Variants in DPYSL3 observed in about 807,000 individuals in gnomAD.
The protein encoded by DPYSL3 is dihydropyrimidinase like 3.
In DPYSL3, 16 loss-of-function variants were observed where a neutral mutation model predicts 66.1. That is an observed-to-expected ratio of 0.24 (90% CI 0.16 to 0.37). DPYSL3 has a LOEUF of 0.37. DPYSL3 is among the 10% of genes least tolerant of loss of function. The pLI is 1.00. For synonymous variants in DPYSL3, 338 were observed against 345.1 expected, an observed-to-expected ratio of 0.98 and a Z score of 0.23; for missense variants, 738 against 916.2, an observed-to-expected ratio of 0.81 and a Z score of 2.51.
chr5:147,409,558 G>GC (rs1288959712), intron 6 of DPYSL3, among the ~76,000 whole-genome samples: 2 of 152,220 alleles, frequency 1.3e-5, no homozygotes, highest in Non-Finnish European at 2.9e-5. Flanking sequence ...CAGAAGAAGT[G>GC]CATGTCCCTT....
chr5:147,477,143 A>C (rs183346730), intron 1 of DPYSL3, among the ~76,000 whole-genome samples: 25 of 152,378 alleles, frequency 1.6e-4, no homozygotes, highest in African/African-American at 5.3e-4. Flanking sequence ...ATTTAAGTAC[A>C]GGAAAAGAAC....
chr5:147,401,626 G>C lies in DPYSL3; in HGVS notation c.1224C>G (p.Asn408Lys). 1 of 1,614,114 alleles carries C rather than the reference G, an allele frequency of 6.2e-7. No individual in the cohort carries two copies. The highest frequency in any genetic ancestry group is 8.5e-7 in the Non-Finnish European group (1 of 1,180,030). The part of the protein sequence containing the change: ...GIDGTHYWSK[N>K]WAKAAAFVTS... ...TCACAAATGCAGCCGCCTTGGCCCAGTTCTTGCTCCAATAATGGGTTCCAT... is the reference window on the plus strand; with the variant it reads ...TCACAAATGCAGCCGCCTTGGCCCACTTCTTGCTCCAATAATGGGTTCCAT... Residue 408 changes from asparagine (N) to lysine (K), a missense_variant, in exon 9 of 14, where the codon AAC becomes AAG. By Grantham distance (94) the Asn-to-Lys change is moderately conservative. Transcript: ENST00000343218.
intron 1 of DPYSL3, among the ~76,000 whole-genome samples, chr5:147,428,812 C>T (rs970778261): frequency 6.6e-6 from 1 of 151,758 alleles, no homozygotes; most frequent in Non-Finnish European, 1.5e-5. Flanking sequence ...GGGTGGGGTG[C>T]GGGGAGGAGG....
chr5:147,408,866 T>G, intron 6 of DPYSL3, 70 bp from the exon 7 acceptor site: 1 of 1,472,582 alleles, frequency 6.8e-7, no homozygotes, highest in Non-Finnish European at 9.5e-7. Flanking sequence ...GCTGGTATGT[T>G]CTGATCTAAA....
chr5:147,430,863 G>A (rs140695683), intron 1 of DPYSL3, among the ~76,000 whole-genome samples: 5 of 152,248 alleles, frequency 3.3e-5, no homozygotes, highest in African/African-American at 4.8e-5. Context: ...TGAGAACAGC[G>A]CTTAAGACAC....
At chr5:147,483,961 G>A (rs149837760) in intron 1 of DPYSL3, among the ~76,000 whole-genome samples, 75 of 152,268 alleles carry the variant, frequency 4.9e-4, no homozygotes, top group African/African-American at 1.6e-3. Context: ...AACATTACAC[G>A]TCACTTTCCA....
intron 1 of DPYSL3, among the ~76,000 whole-genome samples, chr5:147,446,194 T>G (rs1273342387): frequency 6.6e-6 from 1 of 152,226 alleles, no homozygotes; most frequent in African/African-American, 2.4e-5. Context: ...ACCTCAAGGA[T>G]CATCTGGTTC....
At chr5:147,489,127 G>T (rs1021525273) in intron 1 of DPYSL3, among the ~76,000 whole-genome samples, 1 of 152,076 alleles carries the variant, frequency 6.6e-6, no homozygotes, top group African/African-American at 2.4e-5. Context: ...CTATCTCCTG[G>T]TGTCTTTCTA....
chr5:147,395,864 G>A, intron 12 of DPYSL3, 143 bp from the exon 13 acceptor site: 1 of 1,047,908 alleles, frequency 9.5e-7, no homozygotes, highest in African/African-American at 1.6e-5. Flanking sequence ...GAAGGGAGAA[G>A]TAGTATAAAA....
chr5:147,413,347 T>C (rs2152020989), intron 5 of DPYSL3, among the ~76,000 whole-genome samples: 1 of 152,190 alleles, frequency 6.6e-6, no homozygotes, highest in East Asian at 1.9e-4. Context: ...AATTTAGGCA[T>C]GTTCCTCCTC....
intron 1 of DPYSL3, among the ~76,000 whole-genome samples, chr5:147,487,957 G>C (rs549667123): frequency 6.6e-6 from 1 of 152,230 alleles, no homozygotes; most frequent in East Asian, 1.9e-4. Flanking sequence ...TGGTATATAG[G>C]ATAAAATTGT....
chr5:147,430,643 T>C (rs1347466235), intron 1 of DPYSL3, among the ~76,000 whole-genome samples: 1 of 152,002 alleles, frequency 6.6e-6, no homozygotes, highest in Non-Finnish European at 1.5e-5. Flanking sequence ...ATGTTAAGAA[T>C]GACAGATGCA....
At chr5:147,466,689 C>A (rs917299938) in intron 1 of DPYSL3, among the ~76,000 whole-genome samples, 3 of 152,182 alleles carry the variant, frequency 2.0e-5, no homozygotes, top group Non-Finnish European at 2.9e-5. Flanking sequence ...AGCAAGCCAA[C>A]CCCAAAGTGT....
chr5:147,421,827 A>T (rs1040927932), intron 2 of DPYSL3, among the ~76,000 whole-genome samples: 12 of 152,202 alleles, frequency 7.9e-5, no homozygotes, highest in Middle Eastern at 3.2e-3. Flanking sequence ...CAGGAACTGG[A>T]CCCCTTCCTT....
intron 1 of DPYSL3, among the ~76,000 whole-genome samples, chr5:147,466,855 C>T (rs745562255): frequency 1.4e-4 from 22 of 152,062 alleles, no homozygotes; most frequent in Non-Finnish European, 2.4e-4. Context: ...CTCCGTTTTG[C>T]GGGGGAAAGT....
chr5:147,415,637 T>A, intron 4 of DPYSL3, 72 bp downstream of exon 4: 1 of 1,546,078 alleles, frequency 6.5e-7, no homozygotes, highest in South Asian at 1.2e-5. Context: ...GTGACTGAAA[T>A]GAGTGGATGG....
intron 4 of DPYSL3, 53 bp from the exon 5 acceptor site, chr5:147,413,710 T>C (rs1161765779): frequency 1.2e-5 from 18 of 1,453,110 alleles, no homozygotes; most frequent in Non-Finnish European, 1.7e-5. Context: ...TTATCATGAC[T>C]GTCCTCCATC....
At chr5:147,419,226 G>T (rs928124707) in intron 2 of DPYSL3, among the ~76,000 whole-genome samples, 2 of 152,146 alleles carry the variant, frequency 1.3e-5, no homozygotes, top group Admixed American at 1.3e-4. Flanking sequence ...TTCACCAGGA[G>T]GAAGTCAAAG....
At chr5:147,425,942 A>G (rs1752187829) in intron 1 of DPYSL3, among the ~76,000 whole-genome samples, 1 of 152,062 alleles carries the variant, frequency 6.6e-6, no homozygotes, top group Non-Finnish European at 1.5e-5. Context: ...AGCATGAATA[A>G]AGAATGAGAG....
Sources: allele counts gnomAD v4.1 joint callset (sites outside exome capture counted in the v4.1 genomes callset), GRCh38; gene constraint gnomAD v4.1.1; transcripts MANE v1.5; gene names NCBI Gene and HGNC (gene_info 2026-07-23, HGNC 2026-07-21).